The following GPS2 variants were observed in gnomAD, a reference collection of about 807,000 sequenced individuals.
GPS2 encodes the protein GPS-2.
Under a neutral mutation model 48.1 loss-of-function variants are expected in GPS2, and 22 were observed. That is an observed-to-expected ratio of 0.46 (90% CI 0.33 to 0.65). The LOEUF (loss-of-function observed/expected upper bound fraction) is 0.65, where lower values mean the gene tolerates loss of function less well. Ranked by LOEUF, GPS2 falls within the 30% of genes least tolerant of loss-of-function variation. The probability of loss-of-function intolerance (pLI) is 0.03; values close to 1 mark genes in which losing one functional copy is unlikely to be tolerated. For missense variants in GPS2, 366 were observed against 406.8 expected (o/e 0.90, Z 0.86); for synonymous variants, 202 against 142.5 (o/e 1.42, Z -2.98).
intron 5 of GPS2, 25 bp from the exon 6 acceptor site, chr17:7,314,013 A>T: frequency 2.5e-6 from 4 of 1,612,130 alleles, no homozygotes; most frequent in Non-Finnish European, 3.4e-6. Flanking sequence ...GGGCTTCATG[A>T]TGCTGAAATG....
rs752523293 is a variant in GPS2, at chr17:7,313,719, G to A, written c.483C>T (p.Thr161=). 1 of 1,613,742 alleles carries A rather than the reference G, an allele frequency of 6.2e-7. No individual in the cohort carries two copies. Among genetic ancestry groups the A allele is most frequent in the East Asian group, 2.2e-5 (1 of 44,882 alleles). The change falls in exon 7 of 11, where the codon ACC becomes ACT. Residue 161 remains threonine (T), a splice_region_variant and synonymous_variant. Coordinates refer to ENST00000380728, the MANE Select transcript of GPS2 (RefSeq NM_004489.5). ...CAGCTGCTGAGCCCACGTAGTGCCG[G>A]GTCTAAGGAAGGAGAATGAGAACTC... ...KQMFGPQVLT[T]RHYVGSAAAF... is the part of the protein sequence containing the mutation.
At position 7,315,058 on chromosome 17, in the gene GPS2, TGCCGTGGGCGCTCGG is replaced by T. The variant is rs745521327; in HGVS notation, c.-21_-7del. On this transcript the variant is annotated 5_prime_UTR_variant, in exon 2 of 11. Transcript: ENST00000380728. ...CGCTCCAGGAGTGCGGGCATGGTGC[TGCCGTGGGCGCTCGG>T]GCCGTGGGCGCCCGGCTGTCTCTGA... is the stretch of plus-strand genomic sequence containing the variant. The T allele has an allele frequency of 3.1e-4, 486 of 1,584,050 alleles. 3 individuals carry two copies. The highest frequency in any genetic ancestry group is 6.3e-4 in the Middle Eastern group (3 of 4,796).
intron 1 of GPS2, 27 bp from the exon 2 acceptor site, chr17:7,315,146 G>C (rs899699218): frequency 1.2e-6 from 1 of 861,054 alleles, no homozygotes; most frequent in Non-Finnish European, 1.6e-6. Flanking sequence ...GCTCAGAGGG[G>C]GCCGCGCCCG....
rs956917257 is a variant in GPS2, at chr17:7,312,689, GAC to G, written c.*65_*66del. Reference sequence around the variant, plus strand: ...TGGCAGGTAGATTTTATTGGCCTGGGACACACAGGGGATACCCTCACCCACGA... The same window carrying G: ...TGGCAGGTAGATTTTATTGGCCTGGGACACAGGGGATACCCTCACCCACGA... On this transcript the variant is annotated 3_prime_UTR_variant, in exon 11 of 11. Transcript: ENST00000380728. The G allele has an allele frequency of 7.6e-5, 95 of 1,250,086 alleles. No individual in the cohort carries two copies. In the African/African-American group the frequency reaches 1.2e-3, roughly 16 times the overall value. The allele number at this position is 1,250,086 out of a possible 1,614,324, so 77.4% of individuals were successfully genotyped here.
Position 7,312,690 on chromosome 17 carries a change from A to G in GPS2, c.*66T>C. 17 of 1,253,924 alleles carry G rather than the reference A, an allele frequency of 1.4e-5. No homozygotes were observed. The highest frequency in any genetic ancestry group is 1.9e-4 in the Middle Eastern group (1 of 5,276). 77.7% of individuals were successfully genotyped at this position (1,253,924 alleles called of 1,614,324 possible). Reference sequence around the variant, plus strand: ...GGCAGGTAGATTTTATTGGCCTGGGACACACAGGGGATACCCTCACCCACG... The same window carrying G: ...GGCAGGTAGATTTTATTGGCCTGGGGCACACAGGGGATACCCTCACCCACG... On this transcript the variant is annotated 3_prime_UTR_variant, in exon 11 of 11. Coordinates refer to ENST00000380728, the MANE Select transcript of GPS2 (RefSeq NM_004489.5).
chr17:7,313,178 C>G (rs780507816), intron 9 of GPS2, 34 bp downstream of exon 9: 2 of 1,610,940 alleles, frequency 1.2e-6, no homozygotes, highest in South Asian at 1.1e-5. Flanking sequence ...CTTAACATAT[C>G]CCTAACCCTG....
chr17:7,314,110 GAACA>G lies in GPS2; in HGVS notation c.363_366del (p.Val122ThrfsTer222). 2 of 1,614,140 alleles carry G rather than the reference GAACA, an allele frequency of 1.2e-6. No homozygotes were observed. The highest frequency in any genetic ancestry group is 1.7e-6 in the Non-Finnish European group (2 of 1,179,982). ...ATGCTGAGGAGATGAGTTCCTGTGT[GAACA>G]GTCAGGCTCTGCTGGTATGCAGCTG... On this transcript the variant is annotated frameshift_variant, in exon 5 of 11. Transcript: ENST00000380728. LOFTEE classifies it high-confidence loss of function.
At position 7,315,076 on chromosome 17, in the gene GPS2, C is replaced by G; in HGVS notation, c.-24G>C. 6.5e-7 allele frequency: 1 copy of G among 1,548,504 alleles called. No individual in the cohort carries two copies. The highest frequency in any genetic ancestry group is 8.7e-7 in the Non-Finnish European group (1 of 1,147,882). On this transcript the variant is annotated 5_prime_UTR_variant, in exon 2 of 11. Transcript: ENST00000380728. ...ATGGTGCTGCCGTGGGCGCTCGGGC[C>G]GTGGGCGCCCGGCTGTCTCTGACTG...
chr17:7,314,834 G>C lies in GPS2; in HGVS notation c.94+125C>G, dbSNP rs1444906689. On this transcript the variant is annotated intron_variant, in intron 2 of 10. Coordinates refer to ENST00000380728, the MANE Select transcript of GPS2 (RefSeq NM_004489.5). ...CAGGACGCTTAAATCCCACCACAAC[G>C]GGGCTATTCCTTCCCTCCTCTGCGC... 11 of 1,304,922 alleles carry C rather than the reference G, an allele frequency of 8.4e-6. No homozygotes were observed. In the South Asian group the frequency reaches 8.6e-5, roughly 10 times the overall value. The allele number at this position is 1,304,922 out of a possible 1,614,324, so 80.8% of individuals were successfully genotyped here.
In GPS2 at chr17:7,313,370, A is replaced by C; in HGVS notation, c.724+10T>G. On this transcript the variant is annotated intron_variant, in intron 8 of 10. Coordinates refer to ENST00000380728, the MANE Select transcript of GPS2 (RefSeq NM_004489.5). ...CTGAGAGCTAGAGCTCCTGCATGGG[A>C]TGTTATCACCTGTCTGAGTGGGCTG... is the stretch of plus-strand genomic sequence containing the variant. 1 of 1,613,564 alleles carries C rather than the reference A, an allele frequency of 6.2e-7. No individual in the cohort carries two copies. The highest frequency in any genetic ancestry group is 2.2e-5 in the East Asian group (1 of 44,874).
chr17:7,313,884 A>G, intron 6 of GPS2, 22 bp downstream of exon 6: 1 of 1,603,598 alleles, frequency 6.2e-7, no homozygotes, highest in Non-Finnish European at 8.5e-7. Context: ...ACTAGGGGCT[A>G]GGCATCCAAT....
In GPS2 at chr17:7,314,547, C is replaced by T. The variant is rs1307632632; in HGVS notation, c.145G>A (p.Glu49Lys). ...TCCATCTCCTTTTTCTTCCTTCTCT[C>T]CTGTTCTTCCTTCATCTTCTGTTCC... ...MMEQKMKEEQ[E>K]RRKKKEMEER... The change falls in exon 3 of 11, where the codon GAG (glutamate) becomes AAG (lysine). Residue 49 changes from glutamate to lysine, a missense_variant. Physicochemically the swap from Glu to Lys is moderately conservative, Grantham distance 56. Around this residue, in one of 3 missense-constraint regions of GPS2, gnomAD observed 88 missense variants for 107.4 expected, o/e 0.82. Coordinates refer to ENST00000380728, the MANE Select transcript of GPS2 (RefSeq NM_004489.5). 6 of 1,613,790 alleles carry T rather than the reference C, an allele frequency of 3.7e-6. No individual in the cohort carries two copies. Among genetic ancestry groups the T allele is most frequent in the Non-Finnish European group, 1.7e-6 (2 of 1,179,664 alleles).
chr17:7,312,683 G>T lies in GPS2; in HGVS notation c.*73C>A. ...GGGCAGTGGCAGGTAGATTTTATTG[G>T]CCTGGGACACACAGGGGATACCCTC... On this transcript the variant is annotated 3_prime_UTR_variant, in exon 11 of 11. Transcript: ENST00000380728. 8.3e-7 allele frequency: 1 copy of T among 1,199,598 alleles called. No individual in the cohort carries two copies. Among genetic ancestry groups the T allele is most frequent in the Non-Finnish European group, 1.2e-6 (1 of 803,726 alleles). 74.3% of individuals were successfully genotyped at this position (1,199,598 alleles called of 1,614,324 possible). A position where few individuals can be genotyped will look rare whatever the true frequency, so the allele number is the denominator to read the frequency against.
Position 7,313,895 on chromosome 17 carries a change from C to T in GPS2, c.480+11G>A, listed in dbSNP as rs2072900387. On this transcript the variant is annotated intron_variant, in intron 6 of 10. Coordinates refer to ENST00000380728, the MANE Select transcript of GPS2 (RefSeq NM_004489.5). ...AAGTACTAGGGGCTAGGCATCCAAT[C>T]CTACTCTCACCGTAAGCACTTGGGG... 1.9e-6 allele frequency: 3 copies of T among 1,612,116 alleles called. No homozygotes were observed. Among genetic ancestry groups the T allele is most frequent in the African/African-American group, 1.3e-5 (1 of 74,876 alleles).
rs747006852 is a variant in GPS2 at position 7,314,483 on chromosome 17, C to T, written c.204+5G>A. On this transcript the variant is annotated splice_donor_5th_base_variant and intron_variant, in intron 3 of 10. Coordinates refer to ENST00000380728, the MANE Select transcript of GPS2 (RefSeq NM_004489.5). The stretch of plus-strand genomic sequence containing the variant: ...AAAGCTGGGAAAGTTCAAGGGACTG[C>T]TTACTTGTTCCTTGGTCTCCTCTAA... The T allele has an allele frequency of 1.2e-6, 2 of 1,614,174 alleles. No individual in the cohort carries two copies. The highest frequency in any genetic ancestry group is 2.2e-5 in the South Asian group (2 of 91,090).
intron 10 of GPS2, 26 bp downstream of exon 10, chr17:7,313,003 C>T: frequency 1.3e-6 from 2 of 1,517,144 alleles, no homozygotes; most frequent in East Asian, 2.3e-5. Flanking sequence ...GGGATTCTGA[C>T]AGGTAAATTC....
At position 7,314,003 on chromosome 17, in the gene GPS2, G is replaced by T. The variant is rs201534195; in HGVS notation, c.398-15C>A. 8.3e-4 allele frequency: 1,331 copies of T among 1,612,878 alleles called. 9 individuals carry two copies. The highest frequency in any genetic ancestry group is 1.2e-4 in the Non-Finnish European group (144 of 1,178,918). ...TCCAGGGCTCCCTAGAAAGGGAGAA[G>T]GGCTTCATGATGCTGAAATGGGAGG... On this transcript the variant is annotated splice_polypyrimidine_tract_variant and intron_variant, in intron 5 of 10. Transcript: ENST00000380728.
At chr17:7,312,883 C>G (rs765753130) in intron 10 of GPS2, 44 bp from the exon 11 acceptor site, 11 of 1,561,946 alleles carry the variant, frequency 7.0e-6, no homozygotes, top group African/African-American at 1.4e-5. Flanking sequence ...TGGGCATACT[C>G]TCCCTTCCAC....
rs1232114468 is a variant in GPS2, at chr17:7,315,330, C to A, written c.-68+1G>T. ...CCAGCGCGGACGACTGCCCTTCCTACCCGCCTTCTCTGCGCTTTCTCAGCG... is the reference window on the plus strand; with the variant it reads ...CCAGCGCGGACGACTGCCCTTCCTAACCGCCTTCTCTGCGCTTTCTCAGCG... On this transcript the variant is annotated splice_donor_variant, in intron 1 of 10. Coordinates refer to ENST00000380728, the MANE Select transcript of GPS2 (RefSeq NM_004489.5). LOFTEE classifies it low-confidence loss of function (5UTR_SPLICE). The A allele has an allele frequency of 5.1e-6, 2 of 389,280 alleles. No individual in the cohort carries two copies. The highest frequency in any genetic ancestry group is 8.9e-5 in the Admixed American group (2 of 22,428). 24.1% of individuals were successfully genotyped at this position (389,280 alleles called of 1,614,324 possible).
Sources: gnomAD v4.1 joint callset for allele counts on GRCh38, gnomAD v4.1.1 for gene constraint, gnomAD v4.1.1 regional missense constraint, MANE v1.5 for transcripts, NCBI Gene and HGNC (gene_info 2026-07-23, HGNC 2026-07-21) for gene names.